The following AKAP8 variants were observed in gnomAD, a reference collection of about 807,000 sequenced individuals.
AKAP8 encodes the protein A-kinase anchor protein 8.
In AKAP8, 24 loss-of-function variants were observed where a neutral mutation model predicts 67.5. That is an observed-to-expected ratio of 0.36 (90% CI 0.26 to 0.50). The LOEUF (loss-of-function observed/expected upper bound fraction) is 0.50. AKAP8 is among the 20% of genes least tolerant of loss of function. The pLI is 0.97. For synonymous variants in AKAP8, 400 were observed against 371.1 expected (o/e 1.08, Z -0.90); for missense variants, 971 against 955.9 (o/e 1.02, Z -0.21).
chr19:15,359,342 G>A (rs557125354), intron 12 of AKAP8, among the ~76,000 whole-genome samples: 10 of 152,326 alleles, frequency 6.6e-5, no homozygotes, highest in African/African-American at 2.4e-4. Context: ...ACAAATGAAA[G>A]GCTGTGTGGA....
chr19:15,370,304 A>G, intron 7 of AKAP8, 125 bp from the exon 8 acceptor site: 1 of 1,061,806 alleles, frequency 9.4e-7, no homozygotes, highest in South Asian at 1.3e-5. Flanking sequence ...TATGCCACCA[A>G]GAATGAGCCA....
intron 9 of AKAP8, 134 bp downstream of exon 9, chr19:15,368,101 T>C: frequency 9.3e-7 from 1 of 1,077,690 alleles, no homozygotes; most frequent in Non-Finnish European, 1.3e-6. Flanking sequence ...TTTACTGTTT[T>C]GCCTCCCACT....
At chr19:15,379,633 C>CCGGCGGCAGTCTGCG (rs1967337282) in intron 1 of AKAP8, 80 bp downstream of exon 1, 1 of 1,512,212 alleles carries the variant, frequency 6.6e-7, no homozygotes. Context: ...GAAGGCCCGG[C>CCGGCGGCAGTCTGCG]CGGCGGCAGT....
intron 7 of AKAP8, among the ~76,000 whole-genome samples, chr19:15,370,783 C>T (rs1049132432): frequency 2.6e-5 from 4 of 152,140 alleles, no homozygotes; most frequent in South Asian, 2.1e-4. Flanking sequence ...AGGCGCATGC[C>T]GCCACATCCA....
chr19:15,356,869 G>A (rs780832740), intron 13 of AKAP8, among the ~76,000 whole-genome samples: 4 of 152,084 alleles, frequency 2.6e-5, no homozygotes, highest in Admixed American at 6.6e-5. Context: ...AGTGGCTCAC[G>A]TCTGTAATTC....
chr19:15,375,115 G>A (rs908763734), intron 2 of AKAP8, among the ~76,000 whole-genome samples: 1 of 152,180 alleles, frequency 6.6e-6, no homozygotes, highest in Non-Finnish European at 1.5e-5. Flanking sequence ...ACCGGGTGGT[G>A]GCTCAAAAGC....
chr19:15,369,409 G>A lies in AKAP8; in HGVS notation c.1072+737C>T, dbSNP rs1319507226. 3.9e-5 allele frequency among the ~76,000 whole-genome samples: 6 copies of A among 152,246 alleles called. No individual in the cohort carries two copies. In the South Asian group the frequency reaches 8.3e-4, roughly 21 times the overall value. On this transcript the variant is annotated intron_variant, in intron 8 of 13. Coordinates refer to ENST00000269701, the MANE Select transcript of AKAP8 (RefSeq NM_005858.4). This position sits in a 1 kb window ranked among gnomAD's most constrained non-coding sequence, Gnocchi z 4.6. The stretch of plus-strand genomic sequence containing the variant: ...AATGGATGGGAGCAGGGCCACTGAG[G>A]AGCCAGCCTATGATCCTTGGGGTAA...
chr19:15,377,841 C>G (rs890411179), intron 1 of AKAP8, among the ~76,000 whole-genome samples: 1 of 152,164 alleles, frequency 6.6e-6, no homozygotes, highest in Non-Finnish European at 1.5e-5. Flanking sequence ...GGCCCTAAGG[C>G]ATCAGACAGC....
At chr19:15,357,241 G>A (rs899215477) in intron 13 of AKAP8, among the ~76,000 whole-genome samples, 1 of 150,440 alleles carries the variant, frequency 6.6e-6, no homozygotes, top group Middle Eastern at 3.2e-3. Context: ...TTACAGGCGT[G>A]AGCCACCACG....
chr19:15,374,278 T>G (rs543017691), intron 3 of AKAP8, among the ~76,000 whole-genome samples: 1 of 152,282 alleles, frequency 6.6e-6, no homozygotes, highest in African/African-American at 2.4e-5. Flanking sequence ...GCGGCGGGTT[T>G]TCCATGCCAG....
At chr19:15,370,049 C>A in intron 8 of AKAP8, 97 bp downstream of exon 8, 4 of 1,477,092 alleles carry the variant, frequency 2.7e-6, no homozygotes, top group Non-Finnish European at 3.8e-6. Context: ...GCCACGGGCC[C>A]CTCCATCCAG....
intron 13 of AKAP8, among the ~76,000 whole-genome samples, chr19:15,358,462 T>G (rs1004241562): frequency 4.6e-5 from 7 of 151,854 alleles, no homozygotes; most frequent in African/African-American, 1.7e-4. Context: ...TCCTCCTGCC[T>G]CAGCCTCCCA....
chr19:15,379,446 C>G (rs1397188434), intron 1 of AKAP8: 1 of 455,190 alleles, frequency 2.2e-6, no homozygotes, highest in Non-Finnish European at 3.8e-6. Context: ...CTAAGACGCC[C>G]CCACGAAGCC....
intron 7 of AKAP8, 147 bp from the exon 8 acceptor site, chr19:15,370,326 G>A (rs1967133540): frequency 4.7e-6 from 4 of 855,140 alleles, no homozygotes; most frequent in Non-Finnish European, 7.6e-6. Flanking sequence ...AGTGTGTTAG[G>A]ACCAGCCTCC....
At position 15,372,113 on chromosome 19, in the gene AKAP8, C is replaced by T. The variant is rs981165864; in HGVS notation, c.991+105G>A. ...TGCCCTGACCACAGTGGGGTTGAAA[C>T]ATGCCACCTGCGAGTGTCCACGACA... On this transcript the variant is annotated intron_variant, in intron 6 of 13. Transcript: ENST00000269701. The T allele has an allele frequency of 1.9e-6, 3 of 1,608,714 alleles. No individual in the cohort carries two copies. In the Admixed American group the frequency reaches 5.0e-5, roughly 27 times the overall value.
chr19:15,376,737 T>C (rs565281913), intron 2 of AKAP8, among the ~76,000 whole-genome samples: 3 of 152,344 alleles, frequency 2.0e-5, no homozygotes, highest in Admixed American at 1.3e-4. Flanking sequence ...TCAAATTGTA[T>C]TGTCTGTAAG....
chr19:15,374,633 C>T lies in AKAP8; in HGVS notation c.61G>A (p.Ala21Thr), dbSNP rs766031371. ...CAGCTGGCCACACCAGTTCCATATG[C>T]ACCTTAGGGGAAACAGAAACACACA... ...WSAGPANTQG[A>T]YGTGVASWQG... The change falls in exon 3 of 14, where the codon GCA becomes ACA. Residue 21 changes from alanine (A) to threonine (T), a missense_variant and splice_region_variant. Around this residue, in one of 3 missense-constraint regions of AKAP8, gnomAD observed 763 missense variants for 745.4 expected, o/e 1.02. Coordinates refer to ENST00000269701, the MANE Select transcript of AKAP8 (RefSeq NM_005858.4). 39 of 1,612,650 alleles carry T rather than the reference C, an allele frequency of 2.4e-5. No individual in the cohort carries two copies. The highest frequency in any genetic ancestry group is 3.1e-5 in the Non-Finnish European group (37 of 1,179,268).
At chr19:15,362,572 C>A (rs1369396491) in intron 9 of AKAP8, among the ~76,000 whole-genome samples, 3 of 151,658 alleles carry the variant, frequency 2.0e-5, no homozygotes, top group Non-Finnish European at 4.4e-5. Context: ...GTTGGCCGGG[C>A]TGGTCTCCAG....
In AKAP8 at chr19:15,355,232, C is replaced by T; in HGVS notation, c.1762G>A (p.Ala588Thr). 6.2e-7 allele frequency: 1 copy of T among 1,611,636 alleles called. No homozygotes were observed. Among genetic ancestry groups the T allele is most frequent in the Non-Finnish European group, 8.5e-7 (1 of 1,180,034 alleles). The change falls in exon 14 of 14, where the codon GCC becomes ACC. Residue 588 changes from alanine (A) to threonine (T), a missense_variant. By Grantham distance (58) the Ala-to-Thr change is moderately conservative. Coordinates refer to ENST00000269701, the MANE Select transcript of AKAP8 (RefSeq NM_005858.4). Reference protein sequence around the residue: ...LAEVITAAVRAVDGEGAPAPE... With the variant: ...LAEVITAAVRTVDGEGAPAPE... Reference sequence around the variant, plus strand: ...GCGGGCGCTCCTTCCCCATCTACGGCCCTCACTGCTGCTGTAATCACCTCT... The same window carrying T: ...GCGGGCGCTCCTTCCCCATCTACGGTCCTCACTGCTGCTGTAATCACCTCT...
Sources: allele counts gnomAD v4.1 joint callset (sites outside exome capture counted in the v4.1 genomes callset), GRCh38; gene constraint gnomAD v4.1.1; regional missense constraint gnomAD v4.1.1; non-coding constraint Gnocchi (gnomAD v3.1); transcripts MANE v1.5; gene names NCBI Gene and HGNC (gene_info 2026-07-23, HGNC 2026-07-21).